The following MED13L variants were observed in gnomAD, a reference collection of about 807,000 sequenced individuals.
MED13L encodes mediator of RNA polymerase II transcription subunit 13-like.
A neutral mutation model predicts 220.9 loss-of-function variants in MED13L; 7 were observed. The ratio of observed to expected loss-of-function variants is 0.03; its 90% CI spans 0.02 to 0.06. The LOEUF is 0.06. MED13L is among the 10% of genes least tolerant of loss of function. The probability of loss-of-function intolerance (pLI) is 1.00; values close to 1 mark genes in which losing one functional copy is unlikely to be tolerated. For missense variants in MED13L, 1,965 were observed against 2,760.5 expected, an observed-to-expected ratio of 0.71 and a Z score of 6.46; for synonymous variants, 1,011 against 1,015.2, an observed-to-expected ratio of 1.00 and a Z score of 0.08.
chr12:116,253,759 T>TG (rs1661157879), intron 1 of MED13L, among the ~76,000 whole-genome samples: 3 of 136,404 alleles, frequency 2.2e-5, no homozygotes, highest in African/African-American at 8.4e-5. Context: ...TTTTGTTTTT[T>TG]TTTTTTTTTT....
intron 4 of MED13L, among the ~76,000 whole-genome samples, chr12:116,048,074 C>T (rs1400341530): frequency 6.7e-6 from 1 of 150,188 alleles, no homozygotes; most frequent in Non-Finnish European, 1.5e-5. Flanking sequence ...GCTTGTGTGT[C>T]GAACTACACC....
At chr12:116,060,974 G>A (rs1486621380) in intron 4 of MED13L, among the ~76,000 whole-genome samples, 1 of 152,190 alleles carries the variant, frequency 6.6e-6, no homozygotes, top group Non-Finnish European at 1.5e-5. Context: ...GTGGGCATAT[G>A]TGTCTTCTTT....
chr12:116,036,234 A>C (rs1881187476), intron 4 of MED13L, among the ~76,000 whole-genome samples: 1 of 152,272 alleles, frequency 6.6e-6, no homozygotes, highest in South Asian at 2.1e-4. Flanking sequence ...GAACAAGAAC[A>C]ACTGATATAC....
Position 115,969,066 on chromosome 12 carries a change from A to G in MED13L, c.6099T>C (p.Asp2033=), listed in dbSNP as rs754897742. Residue 2033 remains aspartate (D), a synonymous_variant, in exon 28 of 31, where the codon GAT becomes GAC. Coordinates refer to ENST00000281928, the MANE Select transcript of MED13L (RefSeq NM_015335.5). ...ATATGCCAATATCATTGTCCATATC[A>G]TCTGGGAATGGAAGGTCAACAAACA... ...DDMFVDLPFP[D]DMDNDIGILM... 1.9e-6 allele frequency: 3 copies of G among 1,614,032 alleles called. No individual in the cohort carries two copies. Among genetic ancestry groups the G allele is most frequent in the Non-Finnish European group, 2.5e-6 (3 of 1,179,920 alleles).
intron 2 of MED13L, among the ~76,000 whole-genome samples, chr12:116,148,309 T>C (rs1877726479): frequency 6.6e-6 from 1 of 151,816 alleles, no homozygotes; most frequent in East Asian, 1.9e-4. Context: ...CAATATTAAA[T>C]ACATTTTTGT....
chr12:116,224,583 T>C (rs558863282), intron 2 of MED13L, among the ~76,000 whole-genome samples: 8 of 152,348 alleles, frequency 5.3e-5, no homozygotes, highest in Non-Finnish European at 1.0e-4. Context: ...CCTAAAATAA[T>C]AGAGGCTCAA....
rs572139989 is a variant in MED13L, at chr12:116,208,646, A to G, written c.310+28822T>C. Reference sequence around the variant, plus strand: ...TCTACTCACAGCAGAAAGAGGATAAAACTAATTCAAATATTCTATATAAAG... The same window carrying G: ...TCTACTCACAGCAGAAAGAGGATAAGACTAATTCAAATATTCTATATAAAG... On this transcript the variant is annotated intron_variant, in intron 2 of 30. Transcript: ENST00000281928. Among the ~76,000 whole-genome samples the G allele has an allele frequency of 2.9e-4, 44 of 152,348 alleles. No individual in the cohort carries two copies. The East Asian group carries it at 8.1e-3, about 28-fold the overall frequency.
chr12:116,255,823 T>C (rs1290573879), intron 1 of MED13L, among the ~76,000 whole-genome samples: 2 of 152,212 alleles, frequency 1.3e-5, no homozygotes, highest in Non-Finnish European at 1.5e-5. Context: ...ATACTGCACA[T>C]CCCTAATTCA....
Position 116,056,048 on chromosome 12 carries a change from C to G in MED13L, c.480-33447G>C, listed in dbSNP as rs181707127. 3.5e-3 allele frequency among the ~76,000 whole-genome samples: 536 copies of G among 152,208 alleles called. 3 individuals carry two copies. Among genetic ancestry groups the G allele is most frequent in the Non-Finnish European group, 5.5e-3 (376 of 68,014 alleles). ...TACATAAGCAGAAGAGGATTAAAAG[C>G]CAAGATTTCATGGGTGGTTTAGTAA... On this transcript the variant is annotated intron_variant, in intron 4 of 30. Transcript: ENST00000281928.
intron 2 of MED13L, among the ~76,000 whole-genome samples, chr12:116,175,392 A>T (rs1182253601): frequency 6.6e-6 from 1 of 152,214 alleles, no homozygotes; most frequent in Non-Finnish European, 1.5e-5. Flanking sequence ...AAACATTCTT[A>T]AAAAGCTTAA....
chr12:116,224,967 G>T (rs1396828740), intron 2 of MED13L, among the ~76,000 whole-genome samples: 2 of 151,946 alleles, frequency 1.3e-5, no homozygotes, highest in Admixed American at 1.3e-4. Context: ...AAAGTGCTGG[G>T]ATTACAGGCG....
At chr12:116,096,517 T>G (rs923605794) in intron 4 of MED13L, 152 bp downstream of exon 4, 2 of 545,584 alleles carry the variant, frequency 3.7e-6, no homozygotes, top group African/African-American at 1.9e-5. Flanking sequence ...AATATAAATT[T>G]AATAATATAG....
At chr12:116,156,245 T>C (rs1878418652) in intron 2 of MED13L, among the ~76,000 whole-genome samples, 1 of 151,902 alleles carries the variant, frequency 6.6e-6, no homozygotes. Context: ...ATGATGAATG[T>C]CTCCAGCAAG....
chr12:116,071,587 G>A (rs1012949692), intron 4 of MED13L, among the ~76,000 whole-genome samples: 5 of 152,090 alleles, frequency 3.3e-5, no homozygotes, highest in Admixed American at 2.0e-4. Flanking sequence ...CCACCATTCT[G>A]CAGATACTCT....
chr12:116,074,851 C>T lies in MED13L; in HGVS notation c.479+21818G>A, dbSNP rs544264911. On this transcript the variant is annotated intron_variant, in intron 4 of 30. Transcript: ENST00000281928. ...TAGCCCCTTAGGGCAAGTATGCAGACCACTGCATATAAATTCAGAGAATGT... is the reference window on the plus strand; with the variant it reads ...TAGCCCCTTAGGGCAAGTATGCAGATCACTGCATATAAATTCAGAGAATGT... Among the ~76,000 whole-genome samples the T allele has an allele frequency of 3.3e-5, 5 of 152,374 alleles. No individual in the cohort carries two copies. In the East Asian group the frequency reaches 9.6e-4, roughly 29 times the overall value.
chr12:116,096,402 A>G (rs1186681520), intron 4 of MED13L, among the ~76,000 whole-genome samples: 1 of 147,844 alleles, frequency 6.8e-6, no homozygotes, highest in African/African-American at 2.5e-5. Flanking sequence ...AGGAAGGAAA[A>G]TGGAAAATAA....
chr12:116,143,000 C>A (rs1023854607), intron 2 of MED13L, among the ~76,000 whole-genome samples: 4 of 152,160 alleles, frequency 2.6e-5, no homozygotes, highest in Non-Finnish European at 4.4e-5. Context: ...GTTTCGTGGG[C>A]TCAGGGTCTG....
chr12:116,022,382 C>T, intron 5 of MED13L, 74 bp downstream of exon 5: 1 of 1,576,806 alleles, frequency 6.3e-7, no homozygotes, highest in East Asian at 2.2e-5. Flanking sequence ...TCTCACCCTG[C>T]AAAACTTTAC....
chr12:115,988,499 T>C (rs1366398273), intron 17 of MED13L, among the ~76,000 whole-genome samples: 1 of 152,198 alleles, frequency 6.6e-6, no homozygotes, highest in African/African-American at 2.4e-5. Context: ...TGCTTCTTTT[T>C]ACATATAGTA....
Sources: allele counts gnomAD v4.1 joint callset (sites outside exome capture counted in the v4.1 genomes callset), GRCh38; gene constraint gnomAD v4.1.1; transcripts MANE v1.5; gene names NCBI Gene and HGNC (gene_info 2026-07-23, HGNC 2026-07-21).